The following SLC9B1 variants were observed in gnomAD, a reference collection of about 807,000 sequenced individuals.
SLC9B1 encodes solute carrier family 9 member B1, also known as sodium/hydrogen exchanger 9B1.
Under a neutral mutation model 51.7 loss-of-function variants are expected in SLC9B1, and 32 were observed. That is an observed-to-expected ratio of 0.62 (90% CI 0.47 to 0.83). The LOEUF is 0.83. Ranked by LOEUF, SLC9B1 falls within the 40% of genes least tolerant of loss-of-function variation. The pLI is 0.00. For missense variants in SLC9B1, 406 were observed against 613.2 expected, an observed-to-expected ratio of 0.66 and a Z score of 3.57; for synonymous variants, 145 against 212.7, an observed-to-expected ratio of 0.68 and a Z score of 2.77.
chr4:102,915,515 C>T (rs1350841092), intron 7 of SLC9B1, among the ~76,000 whole-genome samples: 2 of 152,210 alleles, frequency 1.3e-5, no homozygotes, highest in African/African-American at 4.8e-5. Context: ...CCACCTCAAC[C>T]TCCCAAGTGG....
At chr4:102,916,672 T>C (rs1735592542) in intron 7 of SLC9B1, among the ~76,000 whole-genome samples, 1 of 152,166 alleles carries the variant, frequency 6.6e-6, no homozygotes, top group African/African-American at 2.4e-5. Context: ...CCAGGATAAA[T>C]GGCATGCTAG....
intron 11 of SLC9B1, chr4:102,888,393 AGTTGACCCTCCG>A (rs930898679): frequency 6.6e-6 from 1 of 152,230 alleles, no homozygotes; most frequent in African/African-American, 2.4e-5. Flanking sequence ...TTGGCCCTCC[AGTTGACCCTCCG>A]TACACATGAG....
intron 3 of SLC9B1, among the ~76,000 whole-genome samples, chr4:102,970,570 C>A (rs1306889588): frequency 6.6e-6 from 1 of 152,196 alleles, no homozygotes; most frequent in Non-Finnish European, 1.5e-5. Flanking sequence ...TAGGAAGAAA[C>A]TGCATGAACT....
At chr4:102,998,720 C>T (rs761312221) in intron 1 of SLC9B1, among the ~76,000 whole-genome samples, 1 of 152,096 alleles carries the variant, frequency 6.6e-6, no homozygotes, top group Non-Finnish European at 1.5e-5. Context: ...TGGTAATAGC[C>T]ATCCCAATAG....
At chr4:102,918,700 C>T (rs575604468) in intron 7 of SLC9B1, among the ~76,000 whole-genome samples, 1 of 152,260 alleles carries the variant, frequency 6.6e-6, no homozygotes, top group South Asian at 2.1e-4. Flanking sequence ...CATGTGAGGA[C>T]AAAGAGAAGG....
rs763904771 is a variant in SLC9B1 at position 102,885,232 on chromosome 4, G to A, written c.*1C>T. On this transcript the variant is annotated 3_prime_UTR_variant, in exon 12 of 12. Coordinates refer to the SLC9B1 transcript ENST00000394789. ...CATGTTTAGTTTCAGAATGGCTTCG[G>A]TTATTGCCTTTCCTTGGTGTACTCG... 1 of 1,614,066 alleles carries A rather than the reference G, an allele frequency of 6.2e-7. No homozygotes were observed. Among genetic ancestry groups the A allele is most frequent in the Middle Eastern group, 1.7e-4 (1 of 6,060 alleles).
intron 7 of SLC9B1, among the ~76,000 whole-genome samples, chr4:102,916,646 A>G (rs1481955951): frequency 1.3e-5 from 2 of 152,256 alleles, no homozygotes; most frequent in Non-Finnish European, 2.9e-5. Context: ...CTTCTCAAGT[A>G]CATACCAAGA....
At chr4:102,897,144 T>C (rs71597133), downstream of SLC9B1, 68,585 of 147,712 alleles carry the variant, frequency 0.46, 10,961 homozygotes, top group African/African-American at 0.57. Flanking sequence ...CAGAAAGAAG[T>C]AGAATGGCAG....
At chr4:102,925,384 T>G in intron 7 of SLC9B1, among the ~76,000 whole-genome samples, 1 of 151,980 alleles carries the variant, frequency 6.6e-6, no homozygotes, top group Non-Finnish European at 1.5e-5. Context: ...GTGGGGAACA[T>G]CACACACTGG....
In SLC9B1 at chr4:102,926,923, C is replaced by T. The variant is rs542574655; in HGVS notation, c.829+5201G>A. ...AGATATATAGACCAATGGAACAGAA[C>T]AGAGGCCTCAGAAATAAGACCACAC... On this transcript the variant is annotated intron_variant, in intron 7 of 11. Coordinates refer to ENST00000296422, the MANE Select transcript of SLC9B1 (RefSeq NM_139173.4). 2.6e-5 allele frequency among the ~76,000 whole-genome samples: 4 copies of T among 152,226 alleles called. No individual in the cohort carries two copies. The East Asian group carries it at 7.7e-4, about 29-fold the overall frequency.
At chr4:102,928,100 G>T (rs1211754188) in intron 7 of SLC9B1, among the ~76,000 whole-genome samples, 1 of 152,028 alleles carries the variant, frequency 6.6e-6, no homozygotes, top group Non-Finnish European at 1.5e-5. Flanking sequence ...GGGGGAGGGA[G>T]AGCATTAGGA....
At chr4:102,962,763 A>C in intron 3 of SLC9B1, 1 of 474,540 alleles carries the variant, frequency 2.1e-6, no homozygotes, top group Non-Finnish European at 4.3e-6. Context: ...AAAGCCATTA[A>C]GGAGAAATAC....
intron 6 of SLC9B1, among the ~76,000 whole-genome samples, chr4:102,937,576 T>C (rs1736786436): frequency 6.6e-6 from 1 of 150,448 alleles, no homozygotes; most frequent in Admixed American, 6.6e-5. Flanking sequence ...AATACAAAAA[T>C]TAGCTGGGCA....
rs1290782341 is a variant in SLC9B1, at chr4:102,965,411, A to G, written c.212-15984T>C. ...ACAACCTTGTACAATGGGTTGCTTT[A>G]TAACAATCCATTCTCAGGGTAACTA... On this transcript the variant is annotated intron_variant, in intron 3 of 11. Coordinates refer to ENST00000296422, the MANE Select transcript of SLC9B1 (RefSeq NM_139173.4). Among the ~76,000 whole-genome samples the G allele has an allele frequency of 3.9e-5, 6 of 152,174 alleles. No individual in the cohort carries two copies. The East Asian group carries it at 1.2e-3, about 29-fold the overall frequency.
At chr4:102,912,138 GAA>G (rs56920618) in intron 7 of SLC9B1, 81,507 of 143,862 alleles carry the variant, frequency 0.57, 22,430 homozygotes, top group African/African-American at 0.68. Flanking sequence ...ACCTCCAAAA[GAA>G]AAAAAAAAAA....
intron 1 of SLC9B1, among the ~76,000 whole-genome samples, chr4:103,001,576 T>C (rs912937353): frequency 6.6e-6 from 1 of 152,200 alleles, no homozygotes; most frequent in Admixed American, 6.5e-5. Context: ...CCAGTTCCAA[T>C]AAGCTCCCAT....
intron 3 of SLC9B1, among the ~76,000 whole-genome samples, chr4:102,978,574 C>T (rs1202462767): frequency 6.6e-6 from 1 of 152,176 alleles, no homozygotes; most frequent in Non-Finnish European, 1.5e-5. Flanking sequence ...TGCTCAATAT[C>T]ACTGGCCATC....
downstream of SLC9B1, among the ~76,000 whole-genome samples, chr4:102,898,460 A>G (rs1734636596): frequency 6.6e-6 from 1 of 152,226 alleles, no homozygotes; most frequent in Non-Finnish European, 1.5e-5. Flanking sequence ...CCAAAATAAT[A>G]AAATATAAAA....
At chr4:102,993,895 T>C (rs896065219) in intron 1 of SLC9B1, among the ~76,000 whole-genome samples, 6 of 152,166 alleles carry the variant, frequency 3.9e-5, no homozygotes, top group African/African-American at 1.4e-4. Flanking sequence ...CCTTTAGACA[T>C]AGCTGGAGCT....
Sources: allele counts gnomAD v4.1 joint callset (sites outside exome capture counted in the v4.1 genomes callset), GRCh38; gene constraint gnomAD v4.1.1; transcripts MANE v1.5; gene names NCBI Gene and HGNC (gene_info 2026-07-23, HGNC 2026-07-21).